The following SLC4A10 variants were observed in gnomAD, a reference collection of about 807,000 sequenced individuals.
The protein encoded by SLC4A10 is sodium-driven chloride bicarbonate exchanger.
A neutral mutation model predicts 137.7 loss-of-function variants in SLC4A10; 42 were observed. That is an observed-to-expected ratio of 0.30 (90% CI 0.24 to 0.39). The LOEUF is 0.39. SLC4A10 is among the 10% of genes least tolerant of loss of function. SLC4A10 has a pLI of 1.00. For synonymous variants in SLC4A10, 474 were observed against 464.1 expected, an observed-to-expected ratio of 1.02 and a Z score of -0.27; for missense variants, 925 against 1,355.0, an observed-to-expected ratio of 0.68 and a Z score of 4.98.
At chr2:161,970,896 C>T (rs575780330) in intron 23 of SLC4A10, among the ~76,000 whole-genome samples, 18 of 152,346 alleles carry the variant, frequency 1.2e-4, no homozygotes, top group South Asian at 4.1e-4. Flanking sequence ...CTACTCAGCA[C>T]AGACTTTTGG....
chr2:161,950,574 A>T, intron 18 of SLC4A10, 113 bp from the exon 19 acceptor site: 1 of 868,552 alleles, frequency 1.2e-6, no homozygotes, highest in South Asian at 1.7e-5. Flanking sequence ...ATTATAGGCC[A>T]CTCAGCTCCT....
intron 13 of SLC4A10, 57 bp downstream of exon 13, chr2:161,904,235 G>A: frequency 6.7e-7 from 1 of 1,500,534 alleles, no homozygotes; most frequent in Non-Finnish European, 9.0e-7. Flanking sequence ...AAGATTCATA[G>A]TTAGATAAGT....
chr2:161,903,964 A>G (rs748828055), intron 12 of SLC4A10, 40 bp from the exon 13 acceptor site: 31 of 1,514,284 alleles, frequency 2.0e-5, no homozygotes, highest in Non-Finnish European at 2.5e-5. Flanking sequence ...TGTGTTTTTT[A>G]TATTTGGGTT....
chr2:161,926,709 T>C (rs1689204034), intron 15 of SLC4A10, among the ~76,000 whole-genome samples: 1 of 148,240 alleles, frequency 6.7e-6, no homozygotes, highest in Admixed American at 6.8e-5. Flanking sequence ...GTTGTTCCTC[T>C]CCATGTTTAG....
chr2:161,786,581 T>C (rs2053651000), intron 2 of SLC4A10, among the ~76,000 whole-genome samples: 1 of 151,704 alleles, frequency 6.6e-6, no homozygotes, highest in Non-Finnish European at 1.5e-5. Context: ...TAAAAGAGTA[T>C]ACTCTTTTCT....
chr2:161,685,393 G>A (rs2041278229), intron 1 of SLC4A10, among the ~76,000 whole-genome samples: 1 of 152,032 alleles, frequency 6.6e-6, no homozygotes, highest in African/African-American at 2.4e-5. Flanking sequence ...ATTATTAGAG[G>A]CCAGAAGTTG....
intron 1 of SLC4A10, among the ~76,000 whole-genome samples, chr2:161,734,523 G>C (rs1025873287): frequency 6.6e-6 from 1 of 151,510 alleles, no homozygotes; most frequent in African/African-American, 2.4e-5. Flanking sequence ...TCCCAGTCTC[G>C]GGTATGTTTT....
chr2:161,713,104 G>T (rs892944125), intron 1 of SLC4A10, among the ~76,000 whole-genome samples: 1 of 151,806 alleles, frequency 6.6e-6, no homozygotes, highest in East Asian at 1.9e-4. Context: ...ATCATTAAAG[G>T]TAGGGAGGCA....
intron 1 of SLC4A10, among the ~76,000 whole-genome samples, chr2:161,655,928 C>A (rs950598560): frequency 6.6e-6 from 1 of 151,722 alleles, no homozygotes; most frequent in Admixed American, 6.6e-5. Flanking sequence ...ATTCTCCTCC[C>A]CCAGCCTCCT....
intron 1 of SLC4A10, among the ~76,000 whole-genome samples, chr2:161,679,433 C>G (rs1269181796): frequency 6.6e-6 from 1 of 152,034 alleles, no homozygotes; most frequent in African/African-American, 2.4e-5. Context: ...TCCTTGCCCT[C>G]AATGATTGTA....
chr2:161,814,035 A>T (rs897002213), intron 3 of SLC4A10, among the ~76,000 whole-genome samples: 2 of 151,988 alleles, frequency 1.3e-5, no homozygotes, highest in Non-Finnish European at 2.9e-5. Context: ...AATTTAGTTC[A>T]TCAGGGGTCT....
intron 1 of SLC4A10, among the ~76,000 whole-genome samples, chr2:161,653,963 T>G (rs1457278230): frequency 1.3e-5 from 2 of 152,226 alleles, no homozygotes; most frequent in East Asian, 3.8e-4. Context: ...TTGAGGAATC[T>G]CTATACTTTT....
chr2:161,758,240 G>T (rs2125341744), intron 1 of SLC4A10, among the ~76,000 whole-genome samples: 1 of 151,896 alleles, frequency 6.6e-6, no homozygotes, highest in African/African-American at 2.4e-5. Context: ...AATCATTGAG[G>T]TTAAAGAACA....
At chr2:161,952,005 A>C (rs1694889132) in intron 19 of SLC4A10, among the ~76,000 whole-genome samples, 1 of 152,154 alleles carries the variant, frequency 6.6e-6, no homozygotes, top group Admixed American at 6.5e-5. Context: ...CATTTTAAAA[A>C]ATCAACTAAA....
intron 11 of SLC4A10, among the ~76,000 whole-genome samples, chr2:161,896,107 G>A (rs550791284): frequency 1.6e-4 from 25 of 152,246 alleles, no homozygotes; most frequent in African/African-American, 5.8e-4. Flanking sequence ...GTAAGGAAGG[G>A]ATCCACTTTC....
intron 1 of SLC4A10, among the ~76,000 whole-genome samples, chr2:161,644,761 G>C (rs1322277125): frequency 6.6e-6 from 1 of 152,116 alleles, no homozygotes; most frequent in African/African-American, 2.4e-5. Flanking sequence ...TTGTTCTAGA[G>C]ATATCTTGTA....
intron 2 of SLC4A10, among the ~76,000 whole-genome samples, chr2:161,781,108 T>C (rs1018030325): frequency 6.6e-5 from 10 of 151,844 alleles, no homozygotes; most frequent in African/African-American, 1.9e-4. Flanking sequence ...ATATTAAGAG[T>C]AAAAATAGTA....
At chr2:161,805,500 AG>A (rs2125605281) in intron 3 of SLC4A10, among the ~76,000 whole-genome samples, 1 of 152,342 alleles carries the variant, frequency 6.6e-6, no homozygotes, top group South Asian at 2.1e-4. Context: ...TAAAATCAAA[AG>A]CAAGCTAGTT....
intron 11 of SLC4A10, among the ~76,000 whole-genome samples, chr2:161,895,347 A>G (rs1176727439): frequency 1.3e-5 from 2 of 152,106 alleles, no homozygotes; most frequent in East Asian, 3.9e-4. Context: ...AGTCTTTGCT[A>G]TTGTGAATAG....
Sources: gnomAD v4.1 joint callset for allele counts (sites outside exome capture counted in the v4.1 genomes callset) on GRCh38, gnomAD v4.1.1 for gene constraint, MANE v1.5 for transcripts, NCBI Gene and HGNC (gene_info 2026-07-23, HGNC 2026-07-21) for gene names.